Variants in CDH22 observed in about 807,000 individuals in gnomAD.
CDH22 encodes cadherin-22.
Under a neutral mutation model 58.4 loss-of-function variants are expected in CDH22, and 30 were observed. That is an observed-to-expected ratio of 0.51 (90% CI 0.38 to 0.70). The LOEUF is 0.70. Among genes scored for constraint, CDH22 ranks in the 30% least tolerant of loss-of-function variants. CDH22 has a pLI of 0.00. For synonymous variants in CDH22, 513 were observed against 558.2 expected (o/e 0.92, Z 1.14); for missense variants, 1,014 against 1,233.9 (o/e 0.82, Z 2.67).
In CDH22 at chr20:46,211,245, C is replaced by T. The variant is rs146179785; in HGVS notation, c.1033-685G>A. On this transcript the variant is annotated intron_variant, in intron 6 of 11. Coordinates refer to ENST00000537909, the MANE Select transcript of CDH22 (RefSeq NM_021248.3). ...CGTCTAAAGACACTGCCTATAGCAA[C>T]GAAAAAGCCATGTCGTGGAGCTGCA... is the stretch of plus-strand genomic sequence containing the variant. Among the ~76,000 whole-genome samples the T allele has an allele frequency of 1.4e-3, 207 of 152,294 alleles. 4 individuals carry two copies. The East Asian group carries it at 0.033, about 25-fold the overall frequency.
intron 4 of CDH22, among the ~76,000 whole-genome samples, chr20:46,218,123 C>A (rs559806918): frequency 6.6e-6 from 1 of 152,090 alleles, no homozygotes; most frequent in South Asian, 2.1e-4. Flanking sequence ...AGGGTTTTGC[C>A]GTGTTGGCCA....
At chr20:46,282,502 A>C (rs1291384032) in intron 1 of CDH22, among the ~76,000 whole-genome samples, 1 of 152,230 alleles carries the variant, frequency 6.6e-6, no homozygotes, top group African/African-American at 2.4e-5. Flanking sequence ...AATCAGGGCA[A>C]ATAGAATAAA....
At chr20:46,242,858 A>G (rs375971215) in intron 2 of CDH22, among the ~76,000 whole-genome samples, 12 of 152,250 alleles carry the variant, frequency 7.9e-5, no homozygotes, top group South Asian at 2.1e-4. Flanking sequence ...TTAGCTATAT[A>G]TAACCAGGAT....
In CDH22 at chr20:46,186,644, A is replaced by G. The variant is rs1214854553; in HGVS notation, c.1607T>C (p.Phe536Ser). ...GCTGGGAGCTTCAGGCACCAGGCGG[A>G]AATAGAAGCGGTGCCCGCCTTGGGG... ...DEPQGGHRFY[F>S]RLVPEAPSNP... Residue 536 changes from phenylalanine to serine, a missense_variant, in exon 10 of 12, where the codon TTC becomes TCC. Phe to Ser is a radical substitution (Grantham distance 155). Coordinates refer to ENST00000537909, the MANE Select transcript of CDH22 (RefSeq NM_021248.3). The G allele has an allele frequency of 6.2e-7, 1 of 1,613,562 alleles. No individual in the cohort carries two copies. Among genetic ancestry groups the G allele is most frequent in the South Asian group, 1.1e-5 (1 of 91,048 alleles).
At chr20:46,279,836 T>C (rs1440374829) in intron 1 of CDH22, among the ~76,000 whole-genome samples, 2 of 152,250 alleles carry the variant, frequency 1.3e-5, no homozygotes, top group Non-Finnish European at 2.9e-5. Context: ...GCCCTGCCTA[T>C]TTCACTAAAT....
intron 1 of CDH22, among the ~76,000 whole-genome samples, chr20:46,263,594 AG>A (rs2086444641): frequency 6.6e-6 from 1 of 152,180 alleles, no homozygotes; most frequent in South Asian, 2.1e-4. Flanking sequence ...GGGTGGGGCA[AG>A]TTAGGGAACA....
chr20:46,274,360 C>T (rs557832540), intron 1 of CDH22, among the ~76,000 whole-genome samples: 3 of 152,298 alleles, frequency 2.0e-5, no homozygotes, highest in Admixed American at 6.5e-5. Flanking sequence ...CTGGACACCA[C>T]GTGCCCAAGT....
intron 3 of CDH22, among the ~76,000 whole-genome samples, chr20:46,231,655 G>T (rs759572591): frequency 4.6e-5 from 7 of 152,162 alleles, no homozygotes; most frequent in Admixed American, 1.3e-4. Flanking sequence ...ACTGACACCT[G>T]AAGGAAGCAG....
At chr20:46,298,511 G>A (rs537292429) in intron 1 of CDH22, among the ~76,000 whole-genome samples, 1 of 152,270 alleles carries the variant, frequency 6.6e-6, no homozygotes, top group South Asian at 2.1e-4. Context: ...ACACGTGTAG[G>A]TAAATAACGG....
intron 3 of CDH22, among the ~76,000 whole-genome samples, chr20:46,228,161 G>A (rs138183099): frequency 2.0e-5 from 3 of 152,266 alleles, no homozygotes; most frequent in African/African-American, 4.8e-5. Context: ...TCCTCTCCCC[G>A]CATGATGGTG....
At chr20:46,264,056 C>T (rs373782959) in intron 1 of CDH22, among the ~76,000 whole-genome samples, 13 of 151,946 alleles carry the variant, frequency 8.6e-5, no homozygotes, top group African/African-American at 3.1e-4. Context: ...ATGTAGCGGA[C>T]GAGGGAGGGA....
At chr20:46,222,882 G>C (rs886899243) in intron 4 of CDH22, among the ~76,000 whole-genome samples, 2 of 152,246 alleles carry the variant, frequency 1.3e-5, no homozygotes, top group African/African-American at 4.8e-5. Context: ...TTCCGGCTCT[G>C]CTCCCTGCTA....
At chr20:46,263,559 T>C (rs1194014324) in intron 1 of CDH22, among the ~76,000 whole-genome samples, 1 of 152,154 alleles carries the variant, frequency 6.6e-6, no homozygotes, top group Non-Finnish European at 1.5e-5. Flanking sequence ...CCCACATTTA[T>C]AGGGGACACT....
intron 1 of CDH22, among the ~76,000 whole-genome samples, chr20:46,267,097 A>C (rs1450906043): frequency 6.6e-6 from 1 of 152,180 alleles, no homozygotes; most frequent in Non-Finnish European, 1.5e-5. Context: ...TTACAGATAA[A>C]GAAACTGGAG....
At chr20:46,284,043 A>G (rs1206067953) in intron 1 of CDH22, among the ~76,000 whole-genome samples, 3 of 152,304 alleles carry the variant, frequency 2.0e-5, no homozygotes, top group South Asian at 4.1e-4. Context: ...AATTGTTCCA[A>G]TGATTTTCTT....
chr20:46,193,784 A>G (rs541067099), intron 8 of CDH22, among the ~76,000 whole-genome samples: 1 of 152,018 alleles, frequency 6.6e-6, no homozygotes, highest in Non-Finnish European at 1.5e-5. Context: ...GAACACCTGA[A>G]TCCCCTTTCT....
At chr20:46,307,598 G>T (rs192133317) in intron 1 of CDH22, among the ~76,000 whole-genome samples, 4 of 152,144 alleles carry the variant, frequency 2.6e-5, no homozygotes, top group African/African-American at 9.6e-5. Context: ...GGGCAGGGGG[G>T]GTCGCGCCGG....
At chr20:46,193,342 G>A (rs1401863160) in intron 8 of CDH22, among the ~76,000 whole-genome samples, 1 of 152,024 alleles carries the variant, frequency 6.6e-6, no homozygotes, top group Non-Finnish European at 1.5e-5. Context: ...TCCATGCAGA[G>A]CTGTGACATG....
At chr20:46,278,977 A>T (rs1160173139) in intron 1 of CDH22, among the ~76,000 whole-genome samples, 1 of 152,060 alleles carries the variant, frequency 6.6e-6, no homozygotes, top group Non-Finnish European at 1.5e-5. Context: ...AGCAGGAAAG[A>T]CCACTGCTTG....
Sources: allele counts gnomAD v4.1 joint callset (sites outside exome capture counted in the v4.1 genomes callset), GRCh38; gene constraint gnomAD v4.1.1; transcripts MANE v1.5; gene names NCBI Gene and HGNC (gene_info 2026-07-23, HGNC 2026-07-21).